Variants in ELOVL5 observed in about 807,000 individuals in gnomAD.
ELOVL5 encodes ELOVL fatty acid elongase 5.
ELOVL5 carries 8 observed loss-of-function variants against 38.6 expected under a neutral mutation model. The observed-to-expected ratio is 0.21, with a 90% CI of 0.12 to 0.37. ELOVL5 has a LOEUF of 0.37. Ranked by LOEUF, ELOVL5 falls within the 10% of genes least tolerant of loss-of-function variation. The probability of loss-of-function intolerance (pLI) is 1.00; values close to 1 mark genes in which losing one functional copy is unlikely to be tolerated. For synonymous variants in ELOVL5, 127 were observed against 133.7 expected, an observed-to-expected ratio of 0.95 and a Z score of 0.34; for missense variants, 280 against 367.8, an observed-to-expected ratio of 0.76 and a Z score of 1.95.
intron 1 of ELOVL5, among the ~76,000 whole-genome samples, chr6:53,310,136 A>T (rs577796122): frequency 2.0e-5 from 3 of 152,228 alleles, no homozygotes; most frequent in Non-Finnish European, 4.4e-5. Flanking sequence ...AATTACAAGC[A>T]CGGCCTAATA....
At position 53,311,089 on chromosome 6, in the gene ELOVL5, C is replaced by G. The variant is rs552918142; in HGVS notation, c.-8-15382G>C. ...GACAGGTGACTGGGTGGGCTCTTCA[C>G]AGAACTTCACATCAAGTCTGGTGCT... On this transcript the variant is annotated intron_variant, in intron 1 of 7. Coordinates refer to ENST00000304434, the MANE Select transcript of ELOVL5 (RefSeq NM_021814.5). 5.9e-5 allele frequency among the ~76,000 whole-genome samples: 9 copies of G among 152,282 alleles called. No homozygotes were observed. The South Asian group carries it at 1.9e-3, about 32-fold the overall frequency.
At chr6:53,270,566 C>A (rs959463552) in intron 7 of ELOVL5, 27 bp downstream of exon 7, 1 of 1,612,680 alleles carries the variant, frequency 6.2e-7, no homozygotes, top group African/African-American at 1.3e-5. Flanking sequence ...CCCCAGATTC[C>A]AAGTCCCAGA....
At chr6:53,334,415 TTTTAA>T in intron 1 of ELOVL5, among the ~76,000 whole-genome samples, 2 of 152,312 alleles carry the variant, frequency 1.3e-5, no homozygotes, top group South Asian at 4.1e-4. Context: ...ACTTAATTTA[TTTTAA>T]TTTACTAATT....
intron 5 of ELOVL5, 101 bp downstream of exon 5, chr6:53,274,989 G>T: frequency 8.6e-7 from 1 of 1,162,274 alleles, no homozygotes; most frequent in Non-Finnish European, 1.2e-6. Context: ...CTGAAAGCCT[G>T]ACCTAGACAT....
chr6:53,344,232 A>G (rs913586049), intron 1 of ELOVL5, among the ~76,000 whole-genome samples: 10 of 152,208 alleles, frequency 6.6e-5, no homozygotes, highest in Non-Finnish European at 1.3e-4. Flanking sequence ...CCATCTGATC[A>G]CAAAGCTCCC....
At chr6:53,285,142 C>T (rs1017538808) in intron 3 of ELOVL5, among the ~76,000 whole-genome samples, 2 of 152,194 alleles carry the variant, frequency 1.3e-5, no homozygotes, top group African/African-American at 2.4e-5. Context: ...AAAGCTGAGA[C>T]AGGACGAAAG....
chr6:53,268,164 A>G lies in ELOVL5; in HGVS notation c.*963T>C, dbSNP rs142017484. The stretch of plus-strand genomic sequence containing the variant: ...CAAAACAGATAACAGTGCATAAATC[A>G]ATCCAAATTTAGACCCTGGCAACCA... On this transcript the variant is annotated 3_prime_UTR_variant, in exon 8 of 8. Coordinates refer to ENST00000304434, the MANE Select transcript of ELOVL5 (RefSeq NM_021814.5). 1.3e-5 allele frequency: 2 copies of G among 152,318 alleles called. No homozygotes were observed. The highest frequency in any genetic ancestry group is 2.4e-5 in the African/African-American group (1 of 41,574). The allele number at this position is 152,318 out of a possible 1,614,324, so 9.4% of individuals were successfully genotyped here. A position where few individuals can be genotyped will look rare whatever the true frequency, so the allele number is the denominator to read the frequency against.
At chr6:53,325,948 C>A (rs1768524312) in intron 1 of ELOVL5, among the ~76,000 whole-genome samples, 1 of 152,218 alleles carries the variant, frequency 6.6e-6, no homozygotes, top group African/African-American at 2.4e-5. Context: ...GTTAAATGAA[C>A]TAACTCTGGA....
At chr6:53,282,248 G>A (rs1766390429) in intron 3 of ELOVL5, among the ~76,000 whole-genome samples, 1 of 152,262 alleles carries the variant, frequency 6.6e-6, no homozygotes. Flanking sequence ...TCATTTAAAG[G>A]AAGGTCTCCA....
chr6:53,308,526 C>A (rs1742601407), intron 1 of ELOVL5, among the ~76,000 whole-genome samples: 1 of 152,166 alleles, frequency 6.6e-6, no homozygotes. Context: ...GCTCTCAAAT[C>A]TGGTTGCATC....
At position 53,291,870 on chromosome 6, in the gene ELOVL5, T is replaced by G; in HGVS notation, c.152A>C (p.Lys51Thr). 1.2e-6 allele frequency: 2 copies of G among 1,613,820 alleles called. No individual in the cohort carries two copies. The highest frequency in any genetic ancestry group is 8.5e-7 in the Non-Finnish European group (1 of 1,179,746). ...GAATGGCTGTTTATTCCTCATGTAT[T>G]TTGGTCCCAGCCATACAATTAGTAA... Reference protein sequence around the residue: ...IYLLIVWLGPKYMRNKQPFSC... With the variant: ...IYLLIVWLGPTYMRNKQPFSC... The change falls in exon 3 of 8, where the codon AAA becomes ACA. Residue 51 changes from lysine to threonine, a missense_variant. By Grantham distance (78) the Lys-to-Thr change is moderately conservative. Transcript: ENST00000304434.
intron 6 of ELOVL5, among the ~76,000 whole-genome samples, chr6:53,272,280 C>A (rs1765956029): frequency 6.6e-6 from 1 of 152,128 alleles, no homozygotes; most frequent in Non-Finnish European, 1.5e-5. Context: ...TCAGTGTCAT[C>A]TATAAAATAG....
chr6:53,348,848 G>A lies in ELOVL5; in HGVS notation c.-40C>T. 2.2e-6 allele frequency: 1 copy of A among 458,758 alleles called. No individual in the cohort carries two copies. The highest frequency in any genetic ancestry group is 4.4e-6 in the Non-Finnish European group (1 of 228,158). The allele number at this position is 458,758 out of a possible 1,614,324, so 28.4% of individuals were successfully genotyped here. On this transcript the variant is annotated 5_prime_UTR_variant, in exon 1 of 8. Transcript: ENST00000304434. ...GCCCAAGGGGCGGCAGCAGCTTTGA[G>A]CAGCAGCAAGGCGGCGGCGGCGGAG...
At chr6:53,293,095 G>A (rs1197073747) in intron 2 of ELOVL5, among the ~76,000 whole-genome samples, 1 of 152,048 alleles carries the variant, frequency 6.6e-6, no homozygotes, top group African/African-American at 2.4e-5. Flanking sequence ...GAAAGATTCA[G>A]CTTCATACTC....
At chr6:53,341,353 A>G (rs1864250) in intron 1 of ELOVL5, among the ~76,000 whole-genome samples, 51,916 of 152,018 alleles carry the variant, frequency 0.34, 9,481 homozygotes, top group African/African-American at 0.48. Flanking sequence ...GTTTCCTCTC[A>G]TGTATCTAAA....
intron 2 of ELOVL5, among the ~76,000 whole-genome samples, chr6:53,292,189 G>C (rs981193919): frequency 5.9e-5 from 9 of 152,156 alleles, no homozygotes; most frequent in African/African-American, 2.2e-4. Context: ...TTTTTGCTCA[G>C]TAAAATAATA....
chr6:53,278,548 C>T (rs1488350963), intron 3 of ELOVL5, among the ~76,000 whole-genome samples: 3 of 152,144 alleles, frequency 2.0e-5, no homozygotes, highest in African/African-American at 7.2e-5. Context: ...ATAAATGGGG[C>T]AGGGGAATCC....
rs1208799913 is a variant in ELOVL5 at position 53,279,089 on chromosome 6, C to T, written c.247-2833G>A. On this transcript the variant is annotated intron_variant, in intron 3 of 7. Transcript: ENST00000304434. ...AGCCCATTAAACCCTAGCTTTTTCA[C>T]GTTTTGCTAGGTGACCTTAGCTAAG... is the stretch of plus-strand genomic sequence containing the variant. 1.8e-4 allele frequency among the ~76,000 whole-genome samples: 27 copies of T among 152,174 alleles called. 1 individual carries two copies. Among genetic ancestry groups the T allele is most frequent in the Admixed American group, 1.7e-3 (26 of 15,290 alleles).
At chr6:53,334,747 A>G (rs1274867150) in intron 1 of ELOVL5, among the ~76,000 whole-genome samples, 2 of 152,100 alleles carry the variant, frequency 1.3e-5, no homozygotes, top group African/African-American at 2.4e-5. Context: ...TGAATCCATC[A>G]TCTTCTCACA....
Sources: allele counts gnomAD v4.1 joint callset (sites outside exome capture counted in the v4.1 genomes callset), GRCh38; gene constraint gnomAD v4.1.1; transcripts MANE v1.5; gene names NCBI Gene and HGNC (gene_info 2026-07-23, HGNC 2026-07-21).